The following ATP1B3 variants were observed in gnomAD, a reference collection of about 807,000 sequenced individuals.
ATP1B3 encodes the protein sodium/potassium-transporting ATPase subunit beta-3.
In ATP1B3, 10 loss-of-function variants were observed where a neutral mutation model predicts 30.2. The observed-to-expected ratio is 0.33, with a 90% CI of 0.20 to 0.56. The LOEUF (loss-of-function observed/expected upper bound fraction) is 0.56, where lower values mean the gene tolerates loss of function less well. Ranked by LOEUF, ATP1B3 falls within the 20% of genes least tolerant of loss-of-function variation. The pLI is 0.90. For synonymous variants in ATP1B3, 113 were observed against 117.0 expected (o/e 0.97, Z 0.22); for missense variants, 238 against 336.7 (o/e 0.71, Z 2.29).
At chr3:141,891,091 G>A (rs1475196029) in intron 1 of ATP1B3, among the ~76,000 whole-genome samples, 1 of 151,896 alleles carries the variant, frequency 6.6e-6, no homozygotes, top group Non-Finnish European at 1.5e-5. Context: ...CCTATATGTT[G>A]TATAATCCAT....
At chr3:141,890,523 G>A (rs1220361033) in intron 1 of ATP1B3, among the ~76,000 whole-genome samples, 2 of 151,304 alleles carry the variant, frequency 1.3e-5, no homozygotes, top group African/African-American at 2.4e-5. Flanking sequence ...GGCTGGTCTC[G>A]AACTCTTGAC....
intron 1 of ATP1B3, among the ~76,000 whole-genome samples, chr3:141,886,986 G>A (rs371306735): frequency 4.6e-5 from 7 of 152,118 alleles, no homozygotes; most frequent in African/African-American, 1.7e-4. Flanking sequence ...CTGGTTGACC[G>A]AGTGAGACCA....
chr3:141,907,671 T>C (rs1934287546), intron 3 of ATP1B3, among the ~76,000 whole-genome samples: 1 of 151,648 alleles, frequency 6.6e-6, no homozygotes, highest in Non-Finnish European at 1.5e-5. Flanking sequence ...CAAGTTGTGA[T>C]TACATTTAGA....
chr3:141,901,964 G>A (rs1217430481), intron 1 of ATP1B3, among the ~76,000 whole-genome samples: 2 of 152,158 alleles, frequency 1.3e-5, no homozygotes, highest in East Asian at 3.8e-4. Flanking sequence ...TTAAGTTTCT[G>A]TCAGCCCTGG....
Position 141,876,881 on chromosome 3 carries a change from A to G in ATP1B3, c.80A>G (p.Glu27Gly). The change falls in exon 1 of 7, where the codon GAA becomes GGA. Residue 27 changes from glutamate (E) to glycine (G), a missense_variant. Transcript: ENST00000286371. ...KLFIYNPTTG[E>G]FLGRTAKSWG... is the part of the protein sequence containing the mutation. ...TTCATCTACAACCCGACCACCGGAG[A>G]ATTCCTGGGGCGCACCGCCAAGAGC... 3 of 1,581,262 alleles carry G rather than the reference A, an allele frequency of 1.9e-6. No individual in the cohort carries two copies. The highest frequency in any genetic ancestry group is 2.6e-6 in the Non-Finnish European group (3 of 1,164,070).
At chr3:141,907,358 G>C (rs752459080) in intron 3 of ATP1B3, 84 bp downstream of exon 3, 6 of 970,668 alleles carry the variant, frequency 6.2e-6, no homozygotes, top group African/African-American at 1.7e-5. Flanking sequence ...GGTAGCTCAC[G>C]CCTGTAATCC....
At chr3:141,895,639 A>C (rs1031669740) in intron 1 of ATP1B3, among the ~76,000 whole-genome samples, 6 of 152,194 alleles carry the variant, frequency 3.9e-5, no homozygotes, top group Non-Finnish European at 7.3e-5. Context: ...TGCAGTTTTC[A>C]GTGATTATAA....
At chr3:141,907,703 A>G (rs1473721833) in intron 3 of ATP1B3, among the ~76,000 whole-genome samples, 2 of 151,934 alleles carry the variant, frequency 1.3e-5, no homozygotes, top group African/African-American at 4.8e-5. Flanking sequence ...TAGAATGTGT[A>G]TTACCTTCTA....
chr3:141,924,081 C>A (rs1433901939), intron 6 of ATP1B3, among the ~76,000 whole-genome samples: 1 of 152,190 alleles, frequency 6.6e-6, no homozygotes, highest in Non-Finnish European at 1.5e-5. Flanking sequence ...CGGTGGCTCA[C>A]GCCTGTAATC....
At chr3:141,911,639 C>A (rs6774412) in intron 3 of ATP1B3, among the ~76,000 whole-genome samples, 67 of 151,702 alleles carry the variant, frequency 4.4e-4, no homozygotes, top group African/African-American at 1.6e-3. Context: ...GGATTACAGG[C>A]TTGCGCCACC....
chr3:141,879,811 CTTTTTTTTTT>C (rs150389395), intron 1 of ATP1B3, among the ~76,000 whole-genome samples: 7 of 57,942 alleles, frequency 1.2e-4, no homozygotes, highest in African/African-American at 6.0e-4. Flanking sequence ...TTGGTAACAG[CTTTTTTTTTT>C]TTTTTTTTTT....
At chr3:141,920,948 C>T (rs1934553936) in intron 5 of ATP1B3, among the ~76,000 whole-genome samples, 1 of 152,184 alleles carries the variant, frequency 6.6e-6, no homozygotes, top group Non-Finnish European at 1.5e-5. Flanking sequence ...TCTCACCCCA[C>T]CCCACAGCCA....
intron 1 of ATP1B3, among the ~76,000 whole-genome samples, chr3:141,877,123 C>G (rs1277083707): frequency 1.3e-5 from 2 of 150,770 alleles, no homozygotes; most frequent in African/African-American, 4.9e-5. Flanking sequence ...GCAGCGGGGC[C>G]CGCGGGCAGC....
chr3:141,890,783 G>A (rs1933936846), intron 1 of ATP1B3, among the ~76,000 whole-genome samples: 1 of 151,994 alleles, frequency 6.6e-6, no homozygotes, highest in African/African-American at 2.4e-5. Flanking sequence ...ATGTTGCCCA[G>A]GCTGGTCTCA....
intron 1 of ATP1B3, among the ~76,000 whole-genome samples, chr3:141,877,863 A>T: frequency 6.7e-6 from 1 of 149,854 alleles, no homozygotes. Context: ...TACTTAAGTA[A>T]ACTAATTTTA....
chr3:141,915,019 TAA>T (rs3840220), intron 4 of ATP1B3, among the ~76,000 whole-genome samples: 54,787 of 152,020 alleles, frequency 0.36, 10,364 homozygotes, highest in East Asian at 0.65. Context: ...TAAAATGAAT[TAA>T]GTTTGTTTTA....
intron 2 of ATP1B3, among the ~76,000 whole-genome samples, chr3:141,904,648 A>C (rs1002229971): frequency 8.6e-5 from 13 of 151,474 alleles, no homozygotes; most frequent in African/African-American, 3.1e-4. Context: ...GCAGTAAAAA[A>C]CTGAAACATC....
chr3:141,907,301 C>A, intron 3 of ATP1B3, 27 bp downstream of exon 3: 1 of 1,573,224 alleles, frequency 6.4e-7, no homozygotes, highest in South Asian at 1.1e-5. Context: ...AGAGTAAGGT[C>A]AGAGATTTTA....
At chr3:141,896,979 C>T (rs1349174879) in intron 1 of ATP1B3, among the ~76,000 whole-genome samples, 3 of 152,156 alleles carry the variant, frequency 2.0e-5, no homozygotes, top group Non-Finnish European at 2.9e-5. Context: ...TAGCCAAGAG[C>T]AGCCTGGGTG....
Sources: gnomAD v4.1 joint callset for allele counts (sites outside exome capture counted in the v4.1 genomes callset) on GRCh38, gnomAD v4.1.1 for gene constraint, MANE v1.5 for transcripts, NCBI Gene and HGNC (gene_info 2026-07-23, HGNC 2026-07-21) for gene names.